Variants in HSD17B4 observed in about 807,000 individuals in gnomAD.
HSD17B4 encodes the protein peroxisomal multifunctional enzyme type 2.
Under a neutral mutation model 101.0 loss-of-function variants are expected in HSD17B4, and 70 were observed. The ratio of observed to expected loss-of-function variants is 0.69; its 90% CI spans 0.57 to 0.85. The LOEUF (loss-of-function observed/expected upper bound fraction) is 0.85, where lower values mean the gene tolerates loss of function less well. Among genes scored for constraint, HSD17B4 ranks in the 40% least tolerant of loss-of-function variants. The pLI, the probability that HSD17B4 is intolerant of heterozygous loss-of-function variation, is 0.00. For synonymous variants in HSD17B4, 347 were observed against 297.1 expected (o/e 1.17, Z -1.73); for missense variants, 984 against 892.4 (o/e 1.10, Z -1.31).
At chr5:119,491,166 C>T (rs534498304) in intron 9 of HSD17B4, among the ~76,000 whole-genome samples, 32 of 152,218 alleles carry the variant, frequency 2.1e-4, no homozygotes, top group African/African-American at 6.0e-4. Context: ...CTTATTACTT[C>T]GCTTCCAAAA....
At chr5:119,518,489 A>C (rs1254757882) in intron 17 of HSD17B4, among the ~76,000 whole-genome samples, 1 of 152,184 alleles carries the variant, frequency 6.6e-6, no homozygotes, top group African/African-American at 2.4e-5. Flanking sequence ...AATGGGACTT[A>C]GTGGAGATGG....
chr5:119,504,349 A>G (rs142023856), intron 14 of HSD17B4, among the ~76,000 whole-genome samples: 161 of 152,308 alleles, frequency 1.1e-3, no homozygotes, highest in African/African-American at 3.7e-3. Flanking sequence ...TCTTTGAGAA[A>G]TCTCCAGACT....
chr5:119,455,957 T>A (rs1250082581), intron 1 of HSD17B4, among the ~76,000 whole-genome samples: 1 of 152,140 alleles, frequency 6.6e-6, no homozygotes, highest in Non-Finnish European at 1.5e-5. Flanking sequence ...TCAAGAAAAC[T>A]AGCTTCTTAA....
At chr5:119,479,515 C>A (rs1331995163) in intron 8 of HSD17B4, among the ~76,000 whole-genome samples, 1 of 152,110 alleles carries the variant, frequency 6.6e-6, no homozygotes, top group African/African-American at 2.4e-5. Flanking sequence ...GGGATTCACC[C>A]TTTGTGTTGT....
intron 17 of HSD17B4, among the ~76,000 whole-genome samples, chr5:119,524,907 A>T (rs1191737531): frequency 2.0e-5 from 3 of 152,128 alleles, no homozygotes; most frequent in African/African-American, 7.2e-5. Flanking sequence ...CTGTGTATAA[A>T]TGGGAGTAGA....
intron 2 of HSD17B4, among the ~76,000 whole-genome samples, chr5:119,473,442 C>T (rs186423584): frequency 6.6e-6 from 1 of 151,240 alleles, no homozygotes. Context: ...CCTCAGCCTC[C>T]CAAGTAGCTG....
At chr5:119,504,652 C>T (rs924162120) in intron 14 of HSD17B4, among the ~76,000 whole-genome samples, 15 of 152,096 alleles carry the variant, frequency 9.9e-5, no homozygotes, top group East Asian at 5.8e-4. Flanking sequence ...TGTTGAACTA[C>T]GTTCCTCATA....
intron 11 of HSD17B4, among the ~76,000 whole-genome samples, chr5:119,494,337 C>G (rs1750417537): frequency 7.3e-6 from 1 of 136,832 alleles, no homozygotes. Context: ...TTCTTTCTTT[C>G]TTTCTTTCTT....
At chr5:119,536,660 A>C (rs1159369322) in intron 23 of HSD17B4, 110 bp downstream of exon 23, 5 of 991,688 alleles carry the variant, frequency 5.0e-6, no homozygotes, top group Non-Finnish European at 7.9e-6. Context: ...GTTTCTTACA[A>C]CTCTGAAGAT....
At chr5:119,499,271 T>C (rs1301485374) in intron 12 of HSD17B4, 46 bp from the exon 13 acceptor site, 1 of 1,349,012 alleles carries the variant, frequency 7.4e-7, no homozygotes, top group East Asian at 2.3e-5. Flanking sequence ...TTAATAGTTT[T>C]GAAAAGTTAT....
intron 8 of HSD17B4, among the ~76,000 whole-genome samples, chr5:119,479,975 T>A (rs185851771): frequency 6.6e-6 from 1 of 152,182 alleles, no homozygotes; most frequent in Non-Finnish European, 1.5e-5. Flanking sequence ...ATGAGAGTTC[T>A]TGTTGCTTCA....
chr5:119,527,448 A>C (rs1359110901), intron 20 of HSD17B4, among the ~76,000 whole-genome samples: 1 of 152,028 alleles, frequency 6.6e-6, no homozygotes, highest in Non-Finnish European at 1.5e-5. Context: ...TTTTATTTTC[A>C]ACTAAATTGG....
intron 7 of HSD17B4, among the ~76,000 whole-genome samples, chr5:119,478,454 T>C (rs538922714): frequency 6.6e-6 from 1 of 152,316 alleles, no homozygotes; most frequent in Non-Finnish European, 1.5e-5. Flanking sequence ...GGCATTGTTT[T>C]AATGAGGCAT....
chr5:119,495,038 G>GTT (rs146081719), intron 11 of HSD17B4, among the ~76,000 whole-genome samples: 6 of 145,212 alleles, frequency 4.1e-5, no homozygotes, highest in African/African-American at 1.1e-4. Context: ...ATGACTATTC[G>GTT]GTTTTTTTTT....
chr5:119,503,744 T>G (rs998507009), intron 14 of HSD17B4, among the ~76,000 whole-genome samples: 26 of 98,058 alleles, frequency 2.7e-4, no homozygotes, highest in South Asian at 4.5e-4. Context: ...TTTCTGTCTG[T>G]TTTTTTTTTT....
intron 11 of HSD17B4, among the ~76,000 whole-genome samples, chr5:119,494,732 T>C (rs1278648283): frequency 6.6e-6 from 1 of 152,188 alleles, no homozygotes; most frequent in Non-Finnish European, 1.5e-5. Flanking sequence ...GCAGAGACTG[T>C]ATCTTGTTTG....
intron 12 of HSD17B4, among the ~76,000 whole-genome samples, chr5:119,497,776 T>C (rs1750779731): frequency 6.6e-6 from 1 of 152,250 alleles, no homozygotes; most frequent in African/African-American, 2.4e-5. Context: ...TAAATATTGA[T>C]AGAATTTGAA....
intron 2 of HSD17B4, among the ~76,000 whole-genome samples, chr5:119,469,625 G>A (rs1756156570): frequency 6.6e-6 from 1 of 152,134 alleles, no homozygotes; most frequent in African/African-American, 2.4e-5. Flanking sequence ...AAAGTGCTGG[G>A]ATTGCAGGCG....
chr5:119,497,267 T>C (rs1750733270), intron 12 of HSD17B4, among the ~76,000 whole-genome samples: 1 of 152,230 alleles, frequency 6.6e-6, no homozygotes, highest in African/African-American at 2.4e-5. Context: ...ACCTCATTTT[T>C]ACCCCCTGCA....
Sources: gnomAD v4.1 joint callset for allele counts (sites outside exome capture counted in the v4.1 genomes callset) on GRCh38, gnomAD v4.1.1 for gene constraint, MANE v1.5 for transcripts, NCBI Gene and HGNC (gene_info 2026-07-23, HGNC 2026-07-21) for gene names.